Variants in DSE observed in about 807,000 individuals in gnomAD.
The protein encoded by DSE is dermatan sulfate epimerase.
A neutral mutation model predicts 84.4 loss-of-function variants in DSE; 36 were observed. The observed-to-expected ratio is 0.43, with a 90% CI of 0.33 to 0.56. The LOEUF (loss-of-function observed/expected upper bound fraction) is 0.56, where lower values mean the gene tolerates loss of function less well. DSE is among the 20% of genes least tolerant of loss of function. The pLI is 0.06. For missense variants in DSE, 862 were observed against 1,169.6 expected (o/e 0.74, Z 3.84); for synonymous variants, 410 against 430.1 (o/e 0.95, Z 0.58).
chr6:116,436,070 G>A lies in DSE; in HGVS notation c.1602G>A (p.Val534=), dbSNP rs1233181433. 2 of 1,613,726 alleles carry A rather than the reference G, an allele frequency of 1.2e-6. No homozygotes were observed. The highest frequency in any genetic ancestry group is 1.3e-5 in the African/African-American group (1 of 74,894). The change falls in exon 6 of 6, where the codon GTG becomes GTA. Residue 534 remains valine, a synonymous_variant. Coordinates refer to ENST00000644252, the MANE Select transcript of DSE (RefSeq NM_013352.4). The part of the protein sequence containing the change: ...RVVAAEEKNG[V]VFIRGEGVGA... ...TTGCAGCAGAGGAGAAAAATGGGGTGGTTTTCATCCGAGGAGAAGGTGTGG... is the reference window on the plus strand; with the variant it reads ...TTGCAGCAGAGGAGAAAAATGGGGTAGTTTTCATCCGAGGAGAAGGTGTGG...
At chr6:116,435,355 C>T (rs1004979788) in intron 5 of DSE, among the ~76,000 whole-genome samples, 5 of 152,156 alleles carry the variant, frequency 3.3e-5, no homozygotes, top group African/African-American at 9.7e-5. Flanking sequence ...GAAATCATTT[C>T]GGGCCCAAAC....
At position 116,437,086 on chromosome 6, in the gene DSE, G is replaced by A. The variant is rs1784221719; in HGVS notation, c.2618G>A (p.Gly873Glu). 1.2e-6 allele frequency: 2 copies of A among 1,604,668 alleles called. No individual in the cohort carries two copies. Among genetic ancestry groups the A allele is most frequent in the South Asian group, 1.1e-5 (1 of 91,040 alleles). ...GTAACATACGAGAAACATAAAAATG[G>A]GGGCTTGATTAAAGGCCGGTTTGGA... ...ADVTYEKHKN[G>E]GLIKGRFGQA... The change falls in exon 6 of 6, where the codon GGG becomes GAG. Residue 873 changes from glycine to glutamate, a missense_variant. Transcript: ENST00000644252.
At chr6:116,415,243 C>T (rs1023140699) in intron 2 of DSE, among the ~76,000 whole-genome samples, 5 of 152,154 alleles carry the variant, frequency 3.3e-5, no homozygotes, top group African/African-American at 1.2e-4. Flanking sequence ...TGGAAATTGT[C>T]TCTCTGAGTT....
At chr6:116,303,693 A>G (rs922985199) in intron 2 of DSE, among the ~76,000 whole-genome samples, 1 of 152,126 alleles carries the variant, frequency 6.6e-6, no homozygotes. Flanking sequence ...GGTAGGCCCT[A>G]TTCTTAAAAA....
rs763787753 is a variant in DSE at position 116,436,377 on chromosome 6, C to T, written c.1909C>T (p.Arg637Trp). The T allele has an allele frequency of 7.4e-6, 12 of 1,614,018 alleles. No homozygotes were observed. Among genetic ancestry groups the T allele is most frequent in the East Asian group, 6.7e-5 (3 of 44,900 alleles). Residue 637 changes from arginine to tryptophan, a missense_variant, in exon 6 of 6, where the codon CGG becomes TGG. Physicochemically the swap from Arg to Trp is moderately radical, Grantham distance 101 (BLOSUM62 -3). Transcript: ENST00000644252. ...AACCTTTGCCTCAGTGACATATCCT[C>T]GGGGCTATCCCTACAATGGGACAAA... ...KATFASVTYP[R>W]GYPYNGTNYV...
Position 116,433,293 on chromosome 6 carries a change from G to T in DSE, c.911-50G>T, listed in dbSNP as rs574278. The T allele has an allele frequency of 0.68, 1,021,014 of 1,507,136 alleles. 349,257 individuals are homozygous for T. The highest frequency in any genetic ancestry group is 0.75 in the Admixed American group (38,250 of 50,756). 93.4% of individuals were successfully genotyped at this position (1,507,136 alleles called of 1,614,324 possible). On this transcript the variant is annotated intron_variant, in intron 4 of 5. Transcript: ENST00000644252. Reference sequence around the variant, plus strand: ...AAAGTCATTGTTTAGACCTATATAGGAGTGTGAAGTTTTCAAAGTATCTTA... The same window carrying T: ...AAAGTCATTGTTTAGACCTATATAGTAGTGTGAAGTTTTCAAAGTATCTTA...
intron 2 of DSE, among the ~76,000 whole-genome samples, chr6:116,407,208 A>G (rs919500993): frequency 6.6e-6 from 1 of 152,178 alleles, no homozygotes; most frequent in Non-Finnish European, 1.5e-5. Context: ...CAAGTCCTCT[A>G]TATGATTCTT....
intron 2 of DSE, among the ~76,000 whole-genome samples, chr6:116,275,162 A>G (rs867168760): frequency 1.2e-4 from 18 of 152,348 alleles, no homozygotes; most frequent in African/African-American, 4.3e-4. Context: ...CAAGTGCTCA[A>G]TAGCCACTGG....
At chr6:116,364,615 C>T (rs1471479443) in intron 2 of DSE, among the ~76,000 whole-genome samples, 1 of 152,326 alleles carries the variant, frequency 6.6e-6, no homozygotes, top group East Asian at 1.9e-4. Context: ...ATGAAGTCAA[C>T]TTCACTAGTT....
At chr6:116,374,562 A>G (rs1307858756) in intron 1 of DSE, among the ~76,000 whole-genome samples, 1 of 152,240 alleles carries the variant, frequency 6.6e-6, no homozygotes, top group Non-Finnish European at 1.5e-5. Context: ...TGTTTATAAC[A>G]GAATACTTGA....
chr6:116,384,676 T>C (rs1437916048), intron 1 of DSE, among the ~76,000 whole-genome samples: 1 of 152,216 alleles, frequency 6.6e-6, no homozygotes, highest in African/African-American at 2.4e-5. Flanking sequence ...TGTATAACTA[T>C]ATGTTTAGTT....
chr6:116,394,515 A>G (rs1234639012), intron 1 of DSE, among the ~76,000 whole-genome samples: 1 of 151,952 alleles, frequency 6.6e-6, no homozygotes, highest in Admixed American at 6.6e-5. Context: ...AGCTCACTGC[A>G]GCGTCGAACT....
chr6:116,315,579 G>A (rs1261430060), intron 2 of DSE, among the ~76,000 whole-genome samples: 1 of 152,134 alleles, frequency 6.6e-6, no homozygotes, highest in East Asian at 1.9e-4. Flanking sequence ...ATTGGTCCCA[G>A]GTTGTTTATC....
At chr6:116,307,251 AT>A (rs1444723252) in intron 2 of DSE, among the ~76,000 whole-genome samples, 6 of 152,094 alleles carry the variant, frequency 3.9e-5, no homozygotes, top group African/African-American at 1.4e-4. Context: ...CACTCCAATC[AT>A]TCATTAACCT....
chr6:116,258,051 C>CT, intron 1 of DSE, among the ~76,000 whole-genome samples: 1 of 152,306 alleles, frequency 6.6e-6, no homozygotes, highest in East Asian at 1.9e-4. Context: ...GAGTCTCGCT[C>CT]TGTCACAGCC....
intron 4 of DSE, among the ~76,000 whole-genome samples, chr6:116,431,927 A>G (rs1351904707): frequency 6.6e-6 from 1 of 152,212 alleles, no homozygotes; most frequent in East Asian, 1.9e-4. Context: ...TTCCCCAAGG[A>G]AATGCAATTT....
intron 1 of DSE, among the ~76,000 whole-genome samples, chr6:116,381,973 T>A (rs140200322): frequency 9.9e-5 from 15 of 152,154 alleles, no homozygotes; most frequent in African/African-American, 3.6e-4. Flanking sequence ...CTTCTACCAA[T>A]CTTTGGCATG....
intron 2 of DSE, among the ~76,000 whole-genome samples, chr6:116,269,066 G>A (rs754900080): frequency 6.6e-6 from 1 of 150,384 alleles, no homozygotes; most frequent in Non-Finnish European, 1.5e-5. Flanking sequence ...GCTTTCACCA[G>A]TCTTAAGAGA....
chr6:116,433,111 C>G (rs187554713), intron 4 of DSE: 1 of 530,376 alleles, frequency 1.9e-6, no homozygotes, highest in Admixed American at 3.2e-5. Context: ...TTACCAAGGA[C>G]AGGTTACCAC....
Sources: allele counts gnomAD v4.1 joint callset (sites outside exome capture counted in the v4.1 genomes callset), GRCh38; gene constraint gnomAD v4.1.1; transcripts MANE v1.5; gene names NCBI Gene and HGNC (gene_info 2026-07-23, HGNC 2026-07-21).